The following HIF3A variants were observed in gnomAD, a reference collection of about 807,000 sequenced individuals.
The protein encoded by HIF3A is hypoxia-inducible factor 3-alpha.
Under a neutral mutation model 67.2 loss-of-function variants are expected in HIF3A, and 41 were observed. That is an observed-to-expected ratio of 0.61 (90% CI 0.48 to 0.79). The LOEUF (loss-of-function observed/expected upper bound fraction) is 0.79. HIF3A is among the 30% of genes least tolerant of loss of function. The pLI is 0.00. For synonymous variants in HIF3A, 356 were observed against 374.8 expected (o/e 0.95, Z 0.58); for missense variants, 855 against 898.0 (o/e 0.95, Z 0.61).
rs1412709116 is a variant in HIF3A, at chr19:46,308,274, G to A, written c.417G>A (p.Glu139=). 6.2e-7 allele frequency: 1 copy of A among 1,613,768 alleles called. No individual in the cohort carries two copies. The part of the protein sequence containing the change: ...IFDFIHPCDQ[E]ELQDALTPQQ... ...ATTTCATCCACCCCTGTGACCAAGAGGAGCTTCAGGACGCCCTGACCCCCC... is the reference window on the plus strand; with the variant it reads ...ATTTCATCCACCCCTGTGACCAAGAAGAGCTTCAGGACGCCCTGACCCCCC... The change falls in exon 4 of 15, where the codon GAG becomes GAA. Residue 139 remains glutamate (E), a synonymous_variant. Transcript: ENST00000377670.
At position 46,321,870 on chromosome 19, in the gene HIF3A, C is replaced by T; in HGVS notation, c.1239C>T (p.Asp413=). ...AADPRRFCSP[D]LRRLLGPILD... ...ACCCCCGCCGTTTCTGCAGCCCTGA[C>T]CTCCGTCGCCTCCTGGGACCCATCC... is the stretch of plus-strand genomic sequence containing the variant. The change falls in exon 10 of 15, where the codon GAC becomes GAT. Residue 413 remains aspartate, a synonymous_variant. Transcript: ENST00000377670. The T allele has an allele frequency of 6.2e-7, 1 of 1,614,034 alleles. No homozygotes were observed. The highest frequency in any genetic ancestry group is 8.5e-7 in the Non-Finnish European group (1 of 1,180,034).
chr19:46,328,498 C>T (rs1033969192), intron 11 of HIF3A, among the ~76,000 whole-genome samples: 19 of 152,178 alleles, frequency 1.2e-4, no homozygotes, highest in Non-Finnish European at 2.4e-4. Flanking sequence ...CAGGCAGCCC[C>T]TTCAACACTC....
intron 14 of HIF3A, among the ~76,000 whole-genome samples, chr19:46,337,254 T>C (rs1297042485): frequency 6.6e-6 from 1 of 151,580 alleles, no homozygotes; most frequent in African/African-American, 2.4e-5. Flanking sequence ...CTATCTTTTT[T>C]GGGGTGTGGG....
In HIF3A at chr19:46,305,553, G is replaced by C. The variant is rs188912577; in HGVS notation, c.363+163G>C. 3.4e-3 allele frequency among the ~76,000 whole-genome samples: 512 copies of C among 152,270 alleles called. 7 individuals are homozygous for C. Among genetic ancestry groups the C allele is most frequent in the African/African-American group, 0.012 (494 of 41,544 alleles). On this transcript the variant is annotated intron_variant, in intron 3 of 14. Transcript: ENST00000377670. Reference sequence around the variant, plus strand: ...ACCCAGAATGGTCAGGGCTGGGATGGGACAGTCTAGGGGGCTGTGAGAGCA... The same window carrying C: ...ACCCAGAATGGTCAGGGCTGGGATGCGACAGTCTAGGGGGCTGTGAGAGCA...
In HIF3A at chr19:46,326,880, G is replaced by A. The variant is rs137883427; in HGVS notation, c.1440+1241G>A. Reference sequence around the variant, plus strand: ...TTTAAAAAAAAACTGGGGGCCAGGCGTGGTGGCTCACGCCTGTAATCCCAG... The same window carrying A: ...TTTAAAAAAAAACTGGGGGCCAGGCATGGTGGCTCACGCCTGTAATCCCAG... On this transcript the variant is annotated intron_variant, in intron 11 of 14. Transcript: ENST00000377670. 5.6e-3 allele frequency among the ~76,000 whole-genome samples: 853 copies of A among 152,306 alleles called. 13 individuals are homozygous for A. The highest frequency in any genetic ancestry group is 0.019 in the African/African-American group (809 of 41,586).
intron 14 of HIF3A, chr19:46,338,114 G>A (rs1343079797): frequency 2.2e-6 from 1 of 444,574 alleles, no homozygotes; most frequent in Non-Finnish European, 4.5e-6. Context: ...TCCCATAAGG[G>A]CAGGGAGATT....
At chr19:46,302,453 C>G (rs1330951302) in intron 1 of HIF3A, among the ~76,000 whole-genome samples, 1 of 151,762 alleles carries the variant, frequency 6.6e-6, no homozygotes, top group African/African-American at 2.4e-5. Flanking sequence ...TTTTTAGAGA[C>G]GGAGCCTTGC....
intron 13 of HIF3A, among the ~76,000 whole-genome samples, chr19:46,333,955 GTT>G (rs1310826193): frequency 6.6e-6 from 1 of 151,368 alleles, no homozygotes; most frequent in African/African-American, 2.4e-5. Context: ...ACCACGCCTG[GTT>G]ATTTTTTTTG....
intron 12 of HIF3A, among the ~76,000 whole-genome samples, chr19:46,330,934 A>T (rs775024143): frequency 6.6e-6 from 1 of 151,376 alleles, no homozygotes; most frequent in African/African-American, 2.4e-5. Flanking sequence ...AAATAGGTGG[A>T]TGAATGGAAG....
intron 10 of HIF3A, among the ~76,000 whole-genome samples, chr19:46,323,338 C>T (rs1346811245): frequency 8.2e-4 from 124 of 151,922 alleles, no homozygotes; most frequent in South Asian, 2.1e-4. Context: ...CATGAGCCAC[C>T]GCGCCCGGCC....
intron 14 of HIF3A, among the ~76,000 whole-genome samples, chr19:46,335,297 C>A (rs1425457274): frequency 6.9e-6 from 1 of 145,812 alleles, no homozygotes; most frequent in Non-Finnish European, 1.5e-5. Context: ...GAGATGAAGT[C>A]TCACTCTTGT....
At chr19:46,336,373 TTC>T (rs998141253) in intron 14 of HIF3A, among the ~76,000 whole-genome samples, 14 of 151,584 alleles carry the variant, frequency 9.2e-5, no homozygotes, top group African/African-American at 3.4e-4. Context: ...ATTACAGGCT[TTC>T]TCTTTTTTTT....
In HIF3A at chr19:46,325,535, G is replaced by A. The variant is rs910875103; in HGVS notation, c.1336G>A (p.Ala446Thr). 1.2e-6 allele frequency: 2 copies of A among 1,610,230 alleles called. No homozygotes were observed. The highest frequency in any genetic ancestry group is 2.2e-5 in the East Asian group (1 of 44,872). The change falls in exon 11 of 15, where the codon GCT (alanine) becomes ACT (threonine). Residue 446 changes from alanine (A) to threonine (T), a missense_variant and splice_region_variant. Ala to Thr is a moderately conservative substitution (Grantham distance 58, BLOSUM62 0). Transcript: ENST00000377670. ...AAGTTTCTACTCCATCTCTCCACAGGCTGATCTCCCAGATGAACTACCTGT... is the reference window on the plus strand; with the variant it reads ...AAGTTTCTACTCCATCTCTCCACAGACTGATCTCCCAGATGAACTACCTGT... ...ATRHPQSPLS[A>T]DLPDELPVGT...
At chr19:46,313,687 C>T in intron 8 of HIF3A, among the ~76,000 whole-genome samples, 1 of 112,212 alleles carries the variant, frequency 8.9e-6, no homozygotes, top group African/African-American at 3.3e-5. Context: ...TTTTTTGAGA[C>T]AGAGTTTTGC....
chr19:46,297,141 G>A lies in HIF3A; in HGVS notation c.26+39G>A. 1.8e-6 allele frequency: 2 copies of A among 1,113,294 alleles called. No homozygotes were observed. The highest frequency in any genetic ancestry group is 2.4e-6 in the Non-Finnish European group (2 of 850,524). 69.0% of individuals were successfully genotyped at this position (1,113,294 alleles called of 1,614,324 possible). On this transcript the variant is annotated intron_variant, in intron 1 of 14. Transcript: ENST00000377670. The surrounding 1 kb of genome is among the most constrained non-coding windows in gnomAD (Gnocchi z 4.5). Reference sequence around the variant, plus strand: ...GGGGCAGGAGTTCTGGGAATTGGGGGGCTCTCCTCCTGGAGACCCCTGAGC... The same window carrying A: ...GGGGCAGGAGTTCTGGGAATTGGGGAGCTCTCCTCCTGGAGACCCCTGAGC...
rs997176490 is a variant in HIF3A, at chr19:46,342,132, A to G, written c.*2510A>G. On this transcript the variant is annotated 3_prime_UTR_variant, in exon 15 of 15. Coordinates refer to ENST00000377670, the MANE Select transcript of HIF3A (RefSeq NM_152795.4). ...TCTCTGGTTCTAGAACTGACTTACAAGTGCCTTCTGATTCTAGACCTCATT... is the reference window on the plus strand; with the variant it reads ...TCTCTGGTTCTAGAACTGACTTACAGGTGCCTTCTGATTCTAGACCTCATT... 3.9e-5 allele frequency: 6 copies of G among 152,144 alleles called. No individual in the cohort carries two copies. Among genetic ancestry groups the G allele is most frequent in the Admixed American group, 3.3e-4 (5 of 15,270 alleles). 9.4% of individuals were successfully genotyped at this position (152,144 alleles called of 1,614,324 possible).
At chr19:46,315,380 A>G (rs1969832376) in intron 8 of HIF3A, among the ~76,000 whole-genome samples, 1 of 147,052 alleles carries the variant, frequency 6.8e-6, no homozygotes, top group African/African-American at 2.5e-5. Context: ...GTTGTGGTTT[A>G]TATCAGTAGT....
intron 14 of HIF3A, among the ~76,000 whole-genome samples, chr19:46,336,401 C>G (rs954051830): frequency 6.6e-6 from 1 of 151,936 alleles, no homozygotes; most frequent in Non-Finnish European, 1.5e-5. Context: ...GGGTCTCGCT[C>G]TGTCACTCAG....
chr19:46,333,788 C>CTTTCTTT (rs1971411178), intron 13 of HIF3A, among the ~76,000 whole-genome samples: 3 of 103,566 alleles, frequency 2.9e-5, no homozygotes, highest in African/African-American at 7.7e-5. Context: ...TTCTTTCTTT[C>CTTTCTTT]TTTTTTTTTT....
Sources: allele counts gnomAD v4.1 joint callset (sites outside exome capture counted in the v4.1 genomes callset), GRCh38; gene constraint gnomAD v4.1.1; non-coding constraint Gnocchi (gnomAD v3.1); transcripts MANE v1.5; gene names NCBI Gene and HGNC (gene_info 2026-07-23, HGNC 2026-07-21).